Variants in STX8 observed in about 807,000 individuals in gnomAD.
The protein encoded by STX8 is syntaxin 8.
A neutral mutation model predicts 37.5 loss-of-function variants in STX8; 23 were observed. The observed-to-expected ratio is 0.61, with a 90% CI of 0.44 to 0.87. The LOEUF (loss-of-function observed/expected upper bound fraction) is 0.87. Ranked by LOEUF, STX8 falls within the 40% of genes least tolerant of loss-of-function variation. STX8 has a pLI of 0.00. For synonymous variants in STX8, 115 were observed against 99.1 expected, an observed-to-expected ratio of 1.16 and a Z score of -0.95; for missense variants, 313 against 284.7, an observed-to-expected ratio of 1.10 and a Z score of -0.71.
chr17:9,572,583 C>T (rs8065175), intron 1 of STX8, among the ~76,000 whole-genome samples: 102,162 of 151,954 alleles, frequency 0.67, 37,481 homozygotes, highest in East Asian at 0.98. Context: ...CTAATTTTTG[C>T]GTTTTTAGTA....
At chr17:9,472,913 AG>A (rs1905935106) in intron 6 of STX8, among the ~76,000 whole-genome samples, 1 of 152,222 alleles carries the variant, frequency 6.6e-6, no homozygotes, top group Non-Finnish European at 1.5e-5. Context: ...AGAAGAAAAA[AG>A]TCAGGGAGGA....
At chr17:9,324,124 TCTCACACACACA>T (rs1006807530) in intron 7 of STX8, among the ~76,000 whole-genome samples, 5 of 134,172 alleles carry the variant, frequency 3.7e-5, no homozygotes, top group African/African-American at 1.3e-4. Context: ...TCTCTCTCTC[TCTCACACACACA>T]CACACACACA....
chr17:9,444,143 TTCTC>T (rs1255114738), intron 6 of STX8, among the ~76,000 whole-genome samples: 4 of 84,548 alleles, frequency 4.7e-5, no homozygotes, highest in Non-Finnish European at 1.1e-4. Context: ...TCGCACATTC[TTCTC>T]TCTTTCTCTC....
intron 7 of STX8, among the ~76,000 whole-genome samples, chr17:9,341,177 GAC>G (rs1910344607): frequency 6.6e-6 from 1 of 151,898 alleles, no homozygotes; most frequent in South Asian, 2.1e-4. Context: ...AATCAGAAGA[GAC>G]TGCGATATTG....
Position 9,360,958 on chromosome 17 carries a change from A to G in STX8, c.643+17594T>C, listed in dbSNP as rs1911042506. ...GACAGCTGATACCCAACTTCAATAC[A>G]AAGATCAATTTGCTGCTAGTCCAGA... On this transcript the variant is annotated intron_variant, in intron 7 of 7. Transcript: ENST00000306357. 2.0e-5 allele frequency among the ~76,000 whole-genome samples: 3 copies of G among 152,136 alleles called. No homozygotes were observed. In the South Asian group the frequency reaches 6.2e-4, roughly 32 times the overall value.
At chr17:9,439,256 C>A (rs1393699196) in intron 6 of STX8, among the ~76,000 whole-genome samples, 2 of 152,116 alleles carry the variant, frequency 1.3e-5, no homozygotes, top group African/African-American at 4.8e-5. Flanking sequence ...ATGCAGCATG[C>A]ATAACTGAAT....
At chr17:9,499,307 G>C (rs915711277) in intron 5 of STX8, among the ~76,000 whole-genome samples, 1 of 152,322 alleles carries the variant, frequency 6.6e-6, no homozygotes, top group Middle Eastern at 3.4e-3. Context: ...TCTTGAGGCA[G>C]AGAAAAGGCT....
intron 6 of STX8, among the ~76,000 whole-genome samples, chr17:9,400,173 G>T (rs1474801824): frequency 6.6e-6 from 1 of 150,772 alleles, no homozygotes; most frequent in Non-Finnish European, 1.5e-5. Context: ...CGCGATCTTG[G>T]CTAACTGCAA....
chr17:9,542,902 A>T (rs1483495048), intron 4 of STX8, among the ~76,000 whole-genome samples: 1 of 152,112 alleles, frequency 6.6e-6, no homozygotes, highest in Non-Finnish European at 1.5e-5. Flanking sequence ...GGACACAGAG[A>T]TGATCAGAGA....
intron 7 of STX8, among the ~76,000 whole-genome samples, chr17:9,256,195 G>A (rs1217889360): frequency 1.3e-5 from 2 of 152,248 alleles, no homozygotes; most frequent in African/African-American, 4.8e-5. Flanking sequence ...TGGCGGGTAA[G>A]AGGAAGAACT....
chr17:9,471,446 C>T (rs930887323), intron 6 of STX8, among the ~76,000 whole-genome samples: 22 of 152,098 alleles, frequency 1.4e-4, no homozygotes, highest in Admixed American at 8.5e-4. Flanking sequence ...CCACCGCGCC[C>T]GGCCCTAACT....
intron 4 of STX8, among the ~76,000 whole-genome samples, chr17:9,542,867 G>A (rs1906340230): frequency 1.3e-5 from 2 of 152,108 alleles, no homozygotes; most frequent in African/African-American, 4.8e-5. Context: ...TGCTGATGCT[G>A]CTTATCAGCA....
chr17:9,350,039 AGT>A (rs1910657129), intron 7 of STX8, among the ~76,000 whole-genome samples: 2 of 152,298 alleles, frequency 1.3e-5, no homozygotes, highest in South Asian at 4.1e-4. Flanking sequence ...AAATGTCAGC[AGT>A]GTGACACTGC....
At chr17:9,272,505 AT>A (rs1907501431) in intron 7 of STX8, among the ~76,000 whole-genome samples, 1 of 152,198 alleles carries the variant, frequency 6.6e-6, no homozygotes, top group African/African-American at 2.4e-5. Context: ...AAGATTCCAG[AT>A]TGTAAGGTGC....
chr17:9,354,670 T>A (rs1375769297), intron 7 of STX8, among the ~76,000 whole-genome samples: 3 of 152,202 alleles, frequency 2.0e-5, no homozygotes, highest in African/African-American at 7.2e-5. Context: ...TGTATTACTT[T>A]TTGTTTTCCT....
At chr17:9,255,527 AAAAT>A (rs1202028600) in intron 7 of STX8, among the ~76,000 whole-genome samples, 6 of 138,676 alleles carry the variant, frequency 4.3e-5, no homozygotes, top group South Asian at 2.5e-4. Context: ...ACTCCATCTC[AAAAT>A]AAATAAATAA....
chr17:9,276,500 A>G (rs1907681573), intron 7 of STX8, among the ~76,000 whole-genome samples: 1 of 152,134 alleles, frequency 6.6e-6, no homozygotes, highest in African/African-American at 2.4e-5. Context: ...TTGGGTCATC[A>G]GCAAGATGAC....
chr17:9,329,535 A>G (rs1909893915), intron 7 of STX8, among the ~76,000 whole-genome samples: 1 of 152,192 alleles, frequency 6.6e-6, no homozygotes, highest in South Asian at 2.1e-4. Context: ...AGAAAGACCC[A>G]ATTATGAAGA....
intron 6 of STX8, among the ~76,000 whole-genome samples, chr17:9,465,264 T>C (rs553448655): frequency 1.3e-5 from 2 of 152,264 alleles, no homozygotes; most frequent in South Asian, 4.2e-4. Context: ...TCTAGTGTTA[T>C]AGCTAAACAG....
Sources: allele counts gnomAD v4.1 joint callset (sites outside exome capture counted in the v4.1 genomes callset), GRCh38; gene constraint gnomAD v4.1.1; transcripts MANE v1.5; gene names NCBI Gene and HGNC (gene_info 2026-07-23, HGNC 2026-07-21).